LEPR: variants seen among roughly 807,000 people sequenced by gnomAD.
The protein encoded by LEPR is leptin receptor, also known as OB receptor.
Under a neutral mutation model 114.7 loss-of-function variants are expected in LEPR, and 56 were observed. The observed-to-expected ratio is 0.49, with a 90% CI of 0.39 to 0.61. The LOEUF is 0.61. Among genes scored for constraint, LEPR ranks in the 20% least tolerant of loss-of-function variants. The pLI is 0.00. For synonymous variants in LEPR, 443 were observed against 461.4 expected (o/e 0.96, Z 0.51); for missense variants, 1,202 against 1,352.9 (o/e 0.89, Z 1.75).
intron 2 of LEPR, among the ~76,000 whole-genome samples, chr1:65,528,171 A>T (rs1650108151): frequency 6.6e-6 from 1 of 152,202 alleles, no homozygotes; most frequent in Admixed American, 6.5e-5. Context: ...GAAAAAAAAA[A>T]AAAAGAACTC....
chr1:65,447,207 A>T (rs1171835018), intron 2 of LEPR, among the ~76,000 whole-genome samples: 1 of 152,084 alleles, frequency 6.6e-6, no homozygotes, highest in Admixed American at 6.5e-5. Flanking sequence ...GTTTTCTTCA[A>T]AGTTTTATAG....
chr1:65,636,513 G>T lies in LEPR; in HGVS notation c.2996G>T (p.Gly999Val). ...AGCAACTCTAAACCAAGTGAAACTG[G>T]TGAAGAACAAGGGCTTATAAATAGT... ...LISNSKPSET[G>V]EEQGLINSSV... The change falls in exon 20 of 20, where the codon GGT (glycine) becomes GTT (valine). Residue 999 changes from glycine to valine, a missense_variant. By Grantham distance (109) the Gly-to-Val change is moderately radical. Transcript: ENST00000349533. 1 of 1,614,072 alleles carries T rather than the reference G, an allele frequency of 6.2e-7. No individual in the cohort carries two copies. The highest frequency in any genetic ancestry group is 8.5e-7 in the Non-Finnish European group (1 of 1,179,992).
intron 2 of LEPR, among the ~76,000 whole-genome samples, chr1:65,524,754 A>G (rs1032990664): frequency 2.0e-5 from 3 of 152,182 alleles, no homozygotes; most frequent in African/African-American, 7.2e-5. Context: ...GATTTCTTCC[A>G]TATCACCCAG....
intron 5 of LEPR, among the ~76,000 whole-genome samples, chr1:65,573,229 C>T (rs1433875400): frequency 2.0e-5 from 3 of 152,190 alleles, no homozygotes; most frequent in South Asian, 2.1e-4. Flanking sequence ...GCGCACTACT[C>T]GCTGAGTCAT....
chr1:65,460,038 T>A (rs1646924827), intron 2 of LEPR, among the ~76,000 whole-genome samples: 1 of 151,488 alleles, frequency 6.6e-6, no homozygotes, highest in Admixed American at 6.6e-5. Context: ...TTCTTCACGG[T>A]ACTTATCACT....
At chr1:65,539,751 G>A (rs185737691) in intron 2 of LEPR, among the ~76,000 whole-genome samples, 21 of 152,328 alleles carry the variant, frequency 1.4e-4, no homozygotes, top group African/African-American at 4.6e-4. Flanking sequence ...ATCAGTTAGA[G>A]GCATTTGTGC....
At chr1:65,432,490 A>G in intron 2 of LEPR, 1 of 597,376 alleles carries the variant, frequency 1.7e-6, no homozygotes, top group Non-Finnish European at 2.1e-6. Context: ...TAGAGAAGTA[A>G]ACATCACACC....
intron 2 of LEPR, among the ~76,000 whole-genome samples, chr1:65,468,401 A>G (rs1404984874): frequency 6.6e-6 from 1 of 152,258 alleles, no homozygotes; most frequent in Non-Finnish European, 1.5e-5. Flanking sequence ...GGTATGTGGT[A>G]TAGTTATACG....
intron 10 of LEPR, among the ~76,000 whole-genome samples, chr1:65,603,607 G>A (rs1169649726): frequency 6.6e-6 from 1 of 152,044 alleles, no homozygotes; most frequent in Non-Finnish European, 1.5e-5. Context: ...CCATGGCCTG[G>A]GGCCCCCATG....
rs2101042500 is a variant in LEPR, at chr1:65,633,726, C to G, written c.2674-2465C>G. The G allele has an allele frequency of 1.0e-6, 1 of 985,176 alleles. No individual in the cohort carries two copies. The allele number at this position is 985,176 out of a possible 1,614,324, so 61.0% of individuals were successfully genotyped here. A position where few individuals can be genotyped will look rare whatever the true frequency, so the allele number is the denominator to read the frequency against. On this transcript the variant is annotated intron_variant, in intron 19 of 19. Transcript: ENST00000349533. This position sits in a 1 kb window ranked among gnomAD's most constrained non-coding sequence, Gnocchi z 4.1. Reference sequence around the variant, plus strand: ...CCTATTCGGGTGTTCTTTTGAATATCTCCTGGCATTTTTGTATCTAACTTT... The same window carrying G: ...CCTATTCGGGTGTTCTTTTGAATATGTCCTGGCATTTTTGTATCTAACTTT...
At chr1:65,538,522 A>G (rs1051014062) in intron 2 of LEPR, among the ~76,000 whole-genome samples, 22 of 152,244 alleles carry the variant, frequency 1.4e-4, no homozygotes, top group African/African-American at 4.8e-4. Context: ...AATTTATACT[A>G]TATAAATTTT....
At chr1:65,466,040 T>G (rs1647007663) in intron 2 of LEPR, among the ~76,000 whole-genome samples, 1 of 152,214 alleles carries the variant, frequency 6.6e-6, no homozygotes, top group African/African-American at 2.4e-5. Context: ...AGGTTAATAT[T>G]GTTATATTTG....
chr1:65,523,324 C>T (rs1349945409), intron 2 of LEPR, among the ~76,000 whole-genome samples: 2 of 151,998 alleles, frequency 1.3e-5, no homozygotes, highest in Non-Finnish European at 2.9e-5. Flanking sequence ...TATTTATTTA[C>T]TTTTTTGAGA....
intron 14 of LEPR, among the ~76,000 whole-genome samples, chr1:65,611,076 A>T (rs1365622967): frequency 1.3e-5 from 2 of 152,196 alleles, no homozygotes; most frequent in Non-Finnish European, 2.9e-5. Context: ...TAATCAATGC[A>T]ATTTCTAAAG....
intron 2 of LEPR, among the ~76,000 whole-genome samples, chr1:65,527,738 C>T (rs1485376958): frequency 6.6e-6 from 1 of 152,036 alleles, no homozygotes; most frequent in Non-Finnish European, 1.5e-5. Context: ...GACTTTTTGC[C>T]TTTGGGCTGG....
chr1:65,474,525 A>T (rs1468185179), intron 2 of LEPR, among the ~76,000 whole-genome samples: 1 of 152,240 alleles, frequency 6.6e-6, no homozygotes, highest in Non-Finnish European at 1.5e-5. Flanking sequence ...TAGCAAGAGA[A>T]GTCTTTGAGC....
chr1:65,526,359 A>G (rs1448417856), intron 2 of LEPR: 5 of 985,254 alleles, frequency 5.1e-6, no homozygotes, highest in Admixed American at 6.2e-5. Flanking sequence ...CCCAAACCCA[A>G]TCCTAACCAA....
chr1:65,597,426 C>T (rs140868692), intron 7 of LEPR, among the ~76,000 whole-genome samples: 50 of 152,070 alleles, frequency 3.3e-4, no homozygotes, highest in South Asian at 8.3e-4. Context: ...ACTGAGATAG[C>T]AGGACAGGAT....
intron 1 of LEPR, chr1:65,421,534 C>G (rs1646250879): frequency 1.3e-6 from 2 of 1,515,482 alleles, no homozygotes; most frequent in African/African-American, 1.4e-5. Flanking sequence ...TTATATCATC[C>G]TTGAAATTTG....
Sources: allele counts gnomAD v4.1 joint callset (sites outside exome capture counted in the v4.1 genomes callset), GRCh38; gene constraint gnomAD v4.1.1; non-coding constraint Gnocchi (gnomAD v3.1); transcripts MANE v1.5; gene names NCBI Gene and HGNC (gene_info 2026-07-23, HGNC 2026-07-21).